Variants in DRC11 observed in about 807,000 individuals in gnomAD.
The protein encoded by DRC11 is IQ and AAA domain-containing protein 1.
chr2:236,358,407 A>T, the DRC11 span, among the ~76,000 whole-genome samples: 5 of 141,330 alleles, frequency 3.5e-5, no homozygotes, highest in Non-Finnish European at 6.1e-5. Flanking sequence ...TCATATATAA[A>T]TATATATGAT....
the DRC11 span, chr2:236,367,588 C>T: frequency 6.6e-6 from 1 of 152,118 alleles, no homozygotes; most frequent in Non-Finnish European, 1.5e-5. This position sits in a 1 kb window ranked among gnomAD's most constrained non-coding sequence, Gnocchi z 4.8. Context: ...CATATCAAAG[C>T]CATAAAGAAA....
chr2:236,406,533 A>T, the DRC11 span, among the ~76,000 whole-genome samples: 2 of 152,162 alleles, frequency 1.3e-5, no homozygotes, highest in African/African-American at 4.8e-5. This position sits in a 1 kb window ranked among gnomAD's most constrained non-coding sequence, Gnocchi z 4.7. Context: ...CTGGGTCCGT[A>T]TCCTGGGGTG....
chr2:236,446,667 T>A, the DRC11 span, among the ~76,000 whole-genome samples: 606 of 152,318 alleles, frequency 4.0e-3, 2 homozygotes, highest in Non-Finnish European at 7.0e-3. This position sits in a 1 kb window ranked among gnomAD's most constrained non-coding sequence, Gnocchi z 6.2. Context: ...GCCGAATGCC[T>A]GGAAAACCCT....
At chr2:236,412,229 G>A in the DRC11 span, among the ~76,000 whole-genome samples, 1 of 152,100 alleles carries the variant, frequency 6.6e-6, no homozygotes, top group East Asian at 1.9e-4. Context: ...GACTCAGGAG[G>A]CAGAAAGAAA....
At chr2:236,376,605 G>GT in the DRC11 span, among the ~76,000 whole-genome samples, 1 of 152,110 alleles carries the variant, frequency 6.6e-6, no homozygotes, top group Non-Finnish European at 1.5e-5. The surrounding 1 kb of genome is among the most constrained non-coding windows in gnomAD (Gnocchi z 5.7). Context: ...TCATCATGGT[G>GT]TTTTTTAAAA....
the DRC11 span, among the ~76,000 whole-genome samples, chr2:236,469,145 T>C: frequency 7.8e-3 from 1,187 of 152,366 alleles, 44 homozygotes; most frequent in East Asian, 0.12. This position sits in a 1 kb window ranked among gnomAD's most constrained non-coding sequence, Gnocchi z 5.8. Flanking sequence ...GGTTCCCATC[T>C]TACATATTCC....
At chr2:236,428,278 T>C in the DRC11 span, among the ~76,000 whole-genome samples, 1 of 152,192 alleles carries the variant, frequency 6.6e-6, no homozygotes, top group Non-Finnish European at 1.5e-5. Flanking sequence ...TCAAGTTCAT[T>C]GTTTCCTTAT....
chr2:236,506,328 G>A, the DRC11 span, among the ~76,000 whole-genome samples: 1 of 152,134 alleles, frequency 6.6e-6, no homozygotes, highest in African/African-American at 2.4e-5. This position sits in a 1 kb window ranked among gnomAD's most constrained non-coding sequence, Gnocchi z 4.9. Flanking sequence ...TTATATTTCA[G>A]ACATGGGTCT....
At chr2:236,374,784 G>T in the DRC11 span, among the ~76,000 whole-genome samples, 1,167 of 152,016 alleles carry the variant, frequency 7.7e-3, 14 homozygotes, top group African/African-American at 0.026. Flanking sequence ...TCCACCTCCC[G>T]GGTTCAAGCG....
chr2:236,329,506 A>G, the DRC11 span, among the ~76,000 whole-genome samples: 1 of 152,240 alleles, frequency 6.6e-6, no homozygotes, highest in Non-Finnish European at 1.5e-5. Flanking sequence ...GGAGCAGGGT[A>G]GAACGTGTTT....
the DRC11 span, chr2:236,497,012 A>G: frequency 1.6e-6 from 1 of 644,180 alleles, no homozygotes; most frequent in Non-Finnish European, 2.7e-6. The surrounding 1 kb of genome is among the most constrained non-coding windows in gnomAD (Gnocchi z 5.1). Context: ...CCGTGACAGC[A>G]TGGTGTAATT....
the DRC11 span, chr2:236,497,146 A>C: frequency 1.3e-6 from 2 of 1,579,110 alleles, no homozygotes; most frequent in East Asian, 4.5e-5. The surrounding 1 kb of genome is among the most constrained non-coding windows in gnomAD (Gnocchi z 5.1). Context: ...CTAATAAGAA[A>C]ACAACAGAGT....
At chr2:236,337,467 CGTGA>C in the DRC11 span, among the ~76,000 whole-genome samples, 5 of 152,318 alleles carry the variant, frequency 3.3e-5, no homozygotes, top group East Asian at 3.9e-4. The surrounding 1 kb of genome is among the most constrained non-coding windows in gnomAD (Gnocchi z 4.9). Flanking sequence ...GCTAACACCT[CGTGA>C]GTGTCACAGC....
At chr2:236,328,618 T>TGAGATGTACCTCTCTGTTAGTG in the DRC11 span, among the ~76,000 whole-genome samples, 3,736 of 152,228 alleles carry the variant, frequency 0.025, 73 homozygotes, top group Non-Finnish European at 0.033. This position sits in a 1 kb window ranked among gnomAD's most constrained non-coding sequence, Gnocchi z 6.7. Flanking sequence ...TTCCTGTCTT[T>TGAGATGTACCTCTCTGTTAGTG]GAGATGTACC....
chr2:236,430,465 G>A, the DRC11 span, among the ~76,000 whole-genome samples: 5 of 152,172 alleles, frequency 3.3e-5, no homozygotes, highest in Admixed American at 6.5e-5. This position sits in a 1 kb window ranked among gnomAD's most constrained non-coding sequence, Gnocchi z 6.0. Context: ...CTTGTTCTGC[G>A]TTTTTCACCT....
At chr2:236,311,597 C>A in the DRC11 span, among the ~76,000 whole-genome samples, 83 of 152,116 alleles carry the variant, frequency 5.5e-4, no homozygotes, top group African/African-American at 2.0e-3. The surrounding 1 kb of genome is among the most constrained non-coding windows in gnomAD (Gnocchi z 6.9). Flanking sequence ...CCCAGTGAAG[C>A]AGTTATCGGG....
chr2:236,346,761 C>A, the DRC11 span: 1 of 168,422 alleles, frequency 5.9e-6, no homozygotes, highest in African/African-American at 2.4e-5. Context: ...TTGGTCACAG[C>A]CAGCACTAGC....
At chr2:236,313,455 G>A in the DRC11 span, among the ~76,000 whole-genome samples, 6 of 152,132 alleles carry the variant, frequency 3.9e-5, no homozygotes, top group Admixed American at 1.3e-4. This position sits in a 1 kb window ranked among gnomAD's most constrained non-coding sequence, Gnocchi z 4.5. Context: ...CATTGCAGTT[G>A]GGAATGTAAA....
At chr2:236,498,590 G>A in the DRC11 span, among the ~76,000 whole-genome samples, 1 of 152,126 alleles carries the variant, frequency 6.6e-6, no homozygotes, top group Admixed American at 6.5e-5. Context: ...CAAAGAGGAA[G>A]CCAGAGAGCA....
Sources: allele counts gnomAD v4.1 joint callset (sites outside exome capture counted in the v4.1 genomes callset), GRCh38; gene constraint gnomAD v4.1.1; non-coding constraint Gnocchi (gnomAD v3.1); transcripts MANE v1.5; gene names NCBI Gene and HGNC (gene_info 2026-07-23, HGNC 2026-07-21).